TASP1: variants seen among roughly 807,000 people sequenced by gnomAD.
TASP1 encodes the protein threonine aspartase 1.
TASP1 carries 16 observed loss-of-function variants against 56.6 expected under a neutral mutation model. That is an observed-to-expected ratio of 0.28 (90% confidence interval 0.19 to 0.43). The LOEUF (loss-of-function observed/expected upper bound fraction) is 0.43, where lower values mean the gene tolerates loss of function less well. Ranked by LOEUF, TASP1 falls within the 20% of genes least tolerant of loss-of-function variation. The probability of loss-of-function intolerance (pLI) is 1.00; values close to 1 mark genes in which losing one functional copy is unlikely to be tolerated. For missense variants in TASP1, 393 were observed against 511.6 expected (o/e 0.77, Z 2.24); for synonymous variants, 179 against 184.2 (o/e 0.97, Z 0.23).
intron 10 of TASP1, 40 bp from the exon 11 acceptor site, chr20:13,483,377 A>T: frequency 7.1e-7 from 1 of 1,416,918 alleles, no homozygotes; most frequent in South Asian, 1.4e-5. Context: ...GAAAAGCAGC[A>T]CCGAACACCC....
intron 6 of TASP1, among the ~76,000 whole-genome samples, chr20:13,571,950 C>T (rs1191293524): frequency 2.0e-5 from 3 of 152,136 alleles, no homozygotes; most frequent in Non-Finnish European, 4.4e-5. Flanking sequence ...CCTTCACATG[C>T]TCAAATATCC....
intron 4 of TASP1, among the ~76,000 whole-genome samples, chr20:13,602,495 G>A (rs1285441890): frequency 6.6e-6 from 1 of 152,190 alleles, no homozygotes; most frequent in Admixed American, 6.5e-5. Flanking sequence ...TAATTAAGAT[G>A]CTAATTAGGG....
chr20:13,575,776 A>G (rs1404847793), intron 6 of TASP1, among the ~76,000 whole-genome samples: 1 of 152,198 alleles, frequency 6.6e-6, no homozygotes, highest in Non-Finnish European at 1.5e-5. Flanking sequence ...GAAGGGAATG[A>G]TGTCCACTCT....
At chr20:13,434,741 T>G (rs1458222632) in intron 12 of TASP1, among the ~76,000 whole-genome samples, 3 of 152,150 alleles carry the variant, frequency 2.0e-5, no homozygotes, top group Admixed American at 2.0e-4. Context: ...TCACCTCAAA[T>G]GCTTTGTGGA....
intron 13 of TASP1, among the ~76,000 whole-genome samples, chr20:13,394,418 G>A (rs2041437933): frequency 6.6e-6 from 1 of 151,328 alleles, no homozygotes; most frequent in Admixed American, 6.6e-5. Flanking sequence ...AGACCATCCT[G>A]GCTAACATGG....
the TASP1 span, among the ~76,000 whole-genome samples, chr20:13,178,737 A>G: frequency 6.6e-6 from 1 of 152,120 alleles, no homozygotes; most frequent in Non-Finnish European, 1.5e-5. Flanking sequence ...GTAAAACAAA[A>G]GATACCAGAG....
the TASP1 span, among the ~76,000 whole-genome samples, chr20:13,253,393 C>T: frequency 1.3e-5 from 2 of 152,196 alleles, no homozygotes; most frequent in African/African-American, 2.4e-5. Context: ...CCTTGGAGCT[C>T]ATTCGCTGTT....
chr20:13,352,743 T>C, the TASP1 span, among the ~76,000 whole-genome samples: 4 of 152,314 alleles, frequency 2.6e-5, no homozygotes, highest in East Asian at 3.9e-4. Context: ...CTCTCAGACA[T>C]TGCAGAACCA....
intron 2 of TASP1, among the ~76,000 whole-genome samples, chr20:13,627,070 C>A (rs2048921362): frequency 1.3e-5 from 2 of 152,102 alleles, no homozygotes; most frequent in South Asian, 4.1e-4. Flanking sequence ...CTCTTTATGG[C>A]AAGTGATACT....
At chr20:13,450,069 TG>T (rs2043559387) in intron 11 of TASP1, among the ~76,000 whole-genome samples, 1 of 152,130 alleles carries the variant, frequency 6.6e-6, no homozygotes, top group African/African-American at 2.4e-5. Flanking sequence ...GCAAGTTTTT[TG>T]GTTTCCCAGT....
chr20:13,232,006 G>A, the TASP1 span, among the ~76,000 whole-genome samples: 2 of 152,198 alleles, frequency 1.3e-5, no homozygotes, highest in South Asian at 2.1e-4. Context: ...GCCTGCCCCA[G>A]TGTTAACTTC....
chr20:13,420,900 G>T (rs1161817568), intron 12 of TASP1, among the ~76,000 whole-genome samples: 2 of 151,998 alleles, frequency 1.3e-5, no homozygotes, highest in African/African-American at 4.8e-5. Flanking sequence ...TATAGATAAG[G>T]ATTTGTACTT....
chr20:13,166,335 G>A, the TASP1 span: 1 of 152,430 alleles, frequency 6.6e-6, no homozygotes, highest in African/African-American at 2.4e-5. Context: ...CGTATTAAAG[G>A]AAAAAAAGTG....
At chr20:13,582,096 A>T (rs990250672) in intron 5 of TASP1, among the ~76,000 whole-genome samples, 1 of 151,434 alleles carries the variant, frequency 6.6e-6, no homozygotes, top group Non-Finnish European at 1.5e-5. Context: ...CTCAATACCA[A>T]ATCTTCCACA....
intron 6 of TASP1, among the ~76,000 whole-genome samples, chr20:13,576,454 C>A (rs1214673354): frequency 6.6e-6 from 1 of 151,818 alleles, no homozygotes; most frequent in Non-Finnish European, 1.5e-5. Flanking sequence ...ACCAAATTCC[C>A]ATGATAGAAT....
chr20:13,190,593 G>T, the TASP1 span, among the ~76,000 whole-genome samples: 15 of 152,138 alleles, frequency 9.9e-5, no homozygotes, highest in Non-Finnish European at 1.8e-4. Flanking sequence ...AAAATGGATT[G>T]AAGACTTAAA....
chr20:13,616,509 C>T (rs2048529751), intron 4 of TASP1, among the ~76,000 whole-genome samples: 1 of 152,046 alleles, frequency 6.6e-6, no homozygotes. Flanking sequence ...TTCATGTTCC[C>T]ATTACTACAA....
At chr20:13,151,947 A>C in the TASP1 span, among the ~76,000 whole-genome samples, 3 of 152,126 alleles carry the variant, frequency 2.0e-5, no homozygotes, top group Admixed American at 1.3e-4. Flanking sequence ...TGAGGCTGTC[A>C]AACACTTGCT....
chr20:13,508,541 A>T (rs749352841), intron 10 of TASP1, among the ~76,000 whole-genome samples: 3 of 152,196 alleles, frequency 2.0e-5, no homozygotes, highest in Non-Finnish European at 4.4e-5. Context: ...AAATTCAAAA[A>T]ACTTCTGGTG....
Sources: allele counts gnomAD v4.1 joint callset (sites outside exome capture counted in the v4.1 genomes callset), GRCh38; gene constraint gnomAD v4.1.1; transcripts MANE v1.5; gene names NCBI Gene and HGNC (gene_info 2026-07-23, HGNC 2026-07-21).